Variants in B9D1 observed in about 807,000 individuals in gnomAD.
B9D1 encodes B9 domain containing 1, also known as B9 domain-containing protein 1.
Under a neutral mutation model 26.1 loss-of-function variants are expected in B9D1, and 20 were observed. The ratio of observed to expected loss-of-function variants is 0.77; its 90% CI spans 0.54 to 1.12. The LOEUF is 1.12. Ranked by LOEUF, B9D1 falls within the 50% of genes most tolerant of loss-of-function variation. The pLI is 0.00. For synonymous variants in B9D1, 105 were observed against 103.1 expected (o/e 1.02, Z -0.11); for missense variants, 260 against 273.7 (o/e 0.95, Z 0.35).
In B9D1 at chr17:19,347,811, G is replaced by T; in HGVS notation, c.314C>A (p.Ala105Asp). ...GCCAGGTGAGAAGGGCACGTGCACG[G>T]CCCCATAGCCTCGAACCACATCGTT... is the stretch of plus-strand genomic sequence containing the variant. ...FGNDVVRGYG[A>D]VHVPFSPGRH... Residue 105 changes from alanine (A) to aspartate (D), a missense_variant, in exon 4 of 7, where the codon GCC becomes GAC. By Grantham distance (126) the Ala-to-Asp change is moderately radical. Transcript: ENST00000261499. The surrounding 1 kb of genome is among the most constrained non-coding windows in gnomAD (Gnocchi z 4.3). The T allele has an allele frequency of 6.2e-7, 1 of 1,613,990 alleles. No homozygotes were observed. The highest frequency in any genetic ancestry group is 8.5e-7 in the Non-Finnish European group (1 of 1,179,982).
intron 1 of B9D1, among the ~76,000 whole-genome samples, chr17:19,369,176 C>G (rs1911753169): frequency 6.6e-6 from 1 of 152,170 alleles, no homozygotes; most frequent in Non-Finnish European, 1.5e-5. Context: ...ATTCTCCTCT[C>G]AGGAGAAGAC....
downstream of B9D1, among the ~76,000 whole-genome samples, chr17:19,342,326 G>A (rs574026317): frequency 2.6e-5 from 4 of 152,260 alleles, no homozygotes; most frequent in African/African-American, 9.6e-5. Context: ...TGAGATAAAA[G>A]GCAGAAGAGG....
chr17:19,361,646 T>C (rs1911090064), intron 1 of B9D1, among the ~76,000 whole-genome samples: 1 of 152,122 alleles, frequency 6.6e-6, no homozygotes, highest in South Asian at 2.1e-4. Flanking sequence ...CATGGAGTAG[T>C]ATCCCTGATG....
At chr17:19,349,006 C>T (rs1909235125) in intron 3 of B9D1, among the ~76,000 whole-genome samples, 1 of 152,168 alleles carries the variant, frequency 6.6e-6, no homozygotes, top group African/African-American at 2.4e-5. Flanking sequence ...CTCGCGTGCA[C>T]ACATCTCTGG....
chr17:19,341,508 T>C (rs12942201), downstream of B9D1, among the ~76,000 whole-genome samples: 147,358 of 152,330 alleles, frequency 0.97, 71,542 homozygotes, highest in African/African-American at 0.99. Flanking sequence ...CCCACACACC[T>C]GAGGCATGTC....
At chr17:19,377,739 G>A (rs1912215893) in intron 1 of B9D1, 10 of 723,498 alleles carry the variant, frequency 1.4e-5, no homozygotes, top group Non-Finnish European at 1.7e-5. Context: ...GTTCCAGCGA[G>A]GGCTCCGCCC....
chr17:19,362,390 G>T, intron 1 of B9D1, 117 bp downstream of exon 1: 2 of 742,532 alleles, frequency 2.7e-6, no homozygotes, highest in Non-Finnish European at 4.2e-6. Flanking sequence ...CCGCCTAACC[G>T]AGAGGCTCAG....
chr17:19,341,388 G>A (rs567529201), downstream of B9D1: 961 of 1,132,866 alleles, frequency 8.5e-4, no homozygotes, highest in Middle Eastern at 9.9e-4. Flanking sequence ...GCTCTGTGTC[G>A]TCCCATGACA....
At chr17:19,356,569 A>C (rs574033128) in intron 3 of B9D1, among the ~76,000 whole-genome samples, 1 of 152,254 alleles carries the variant, frequency 6.6e-6, no homozygotes, top group Admixed American at 6.5e-5. Flanking sequence ...CCAGTTGGTG[A>C]GATTTACCTG....
downstream of B9D1, among the ~76,000 whole-genome samples, chr17:19,339,267 T>A (rs1907707170): frequency 1.3e-5 from 2 of 152,164 alleles, no homozygotes; most frequent in South Asian, 4.1e-4. Flanking sequence ...AGCCAGTTCT[T>A]TCCTCCTTAC....
At chr17:19,361,961 C>T (rs970578182) in intron 1 of B9D1, among the ~76,000 whole-genome samples, 2 of 152,114 alleles carry the variant, frequency 1.3e-5, no homozygotes, top group Non-Finnish European at 2.9e-5. Context: ...ACTTGGTGAG[C>T]GTTGGTTTAT....
chr17:19,346,514 G>C (rs943385960), intron 5 of B9D1, among the ~76,000 whole-genome samples: 1 of 152,142 alleles, frequency 6.6e-6, no homozygotes, highest in African/African-American at 2.4e-5. Flanking sequence ...GGCGGCAGAG[G>C]CTTGCTGCCC....
chr17:19,365,411 G>A (rs1016697167), upstream of B9D1, among the ~76,000 whole-genome samples: 3 of 152,220 alleles, frequency 2.0e-5, no homozygotes, highest in African/African-American at 7.2e-5. This position sits in a 1 kb window ranked among gnomAD's most constrained non-coding sequence, Gnocchi z 5.0. Context: ...CCTCCTGGCT[G>A]TGCACCCACC....
downstream of B9D1, chr17:19,337,724 C>A (rs1333888605): frequency 6.5e-7 from 1 of 1,535,106 alleles, no homozygotes; most frequent in Non-Finnish European, 8.7e-7. Flanking sequence ...ACACTGCTAT[C>A]TTTGACAGAC....
intron 3 of B9D1, among the ~76,000 whole-genome samples, chr17:19,348,873 A>G (rs1252250981): frequency 1.3e-5 from 2 of 152,226 alleles, no homozygotes; most frequent in African/African-American, 2.4e-5. Context: ...TCAATACCAT[A>G]TAACATTCTG....
chr17:19,360,111 T>A lies in B9D1; in HGVS notation c.132+209A>T, dbSNP rs7213401. Among the ~76,000 whole-genome samples the A allele has an allele frequency of 5.3e-5, 8 of 152,152 alleles. No individual in the cohort carries two copies. The East Asian group carries it at 9.6e-4, about 18-fold the overall frequency. On this transcript the variant is annotated intron_variant, in intron 2 of 6. Coordinates refer to ENST00000261499, the MANE Select transcript of B9D1 (RefSeq NM_015681.6). ...CCCGGGGAAGCTCACAGGGTAGGGCTTCTGAGTGCAGTCTTGGTGGATGGA... is the reference window on the plus strand; with the variant it reads ...CCCGGGGAAGCTCACAGGGTAGGGCATCTGAGTGCAGTCTTGGTGGATGGA...
chr17:19,364,938 T>C (rs748256408), upstream of B9D1, among the ~76,000 whole-genome samples: 8 of 152,228 alleles, frequency 5.3e-5, no homozygotes, highest in Non-Finnish European at 1.0e-4. The surrounding 1 kb of genome is among the most constrained non-coding windows in gnomAD (Gnocchi z 4.3). Flanking sequence ...TGCATGCCTA[T>C]GGCCATGGTG....
downstream of B9D1, among the ~76,000 whole-genome samples, chr17:19,339,982 C>T (rs897759618): frequency 2.0e-5 from 3 of 150,970 alleles, 1 homozygote; most frequent in African/African-American, 4.9e-5. Context: ...AAGCGTGGAC[C>T]TGCAGGCCGT....
chr17:19,335,420 C>G, downstream of B9D1: 1 of 1,549,822 alleles, frequency 6.5e-7, no homozygotes, highest in Non-Finnish European at 8.7e-7. Flanking sequence ...CAGGGATTAA[C>G]AGGACTTCTG....
Sources: allele counts gnomAD v4.1 joint callset (sites outside exome capture counted in the v4.1 genomes callset), GRCh38; gene constraint gnomAD v4.1.1; non-coding constraint Gnocchi (gnomAD v3.1); transcripts MANE v1.5; gene names NCBI Gene and HGNC (gene_info 2026-07-23, HGNC 2026-07-21).